Variants in PEX5 observed in about 807,000 individuals in gnomAD.
The protein encoded by PEX5 is peroxisomal biogenesis factor 5.
A neutral mutation model predicts 82.9 loss-of-function variants in PEX5; 52 were observed. The ratio of observed to expected loss-of-function variants is 0.63; its 90% CI spans 0.50 to 0.79. PEX5 has a LOEUF of 0.79. PEX5 is among the 30% of genes least tolerant of loss of function. The pLI, the probability that PEX5 is intolerant of heterozygous loss-of-function variation, is 0.00. For missense variants in PEX5, 719 were observed against 815.2 expected, an observed-to-expected ratio of 0.88 and a Z score of 1.44; for synonymous variants, 300 against 318.8, an observed-to-expected ratio of 0.94 and a Z score of 0.63.
intron 10 of PEX5, among the ~76,000 whole-genome samples, chr12:7,204,431 G>C (rs1437892023): frequency 6.6e-6 from 1 of 152,210 alleles, no homozygotes; most frequent in African/African-American, 2.4e-5. Flanking sequence ...TCAGAAAAAG[G>C]CTAGAGTTTG....
Position 7,209,848 on chromosome 12 carries a change from T to G in PEX5, c.1718+8T>G, listed in dbSNP as rs760110394. 2 of 1,613,858 alleles carry G rather than the reference T, an allele frequency of 1.2e-6. No homozygotes were observed. Among genetic ancestry groups the G allele is most frequent in the South Asian group, 2.2e-5 (2 of 91,070 alleles). Reference sequence around the variant, plus strand: ...CAACCTCGGGGCTCACCGGTGAGAGTATCTATTGAGAAATGAATGAATGAG... The same window carrying G: ...CAACCTCGGGGCTCACCGGTGAGAGGATCTATTGAGAAATGAATGAATGAG... On this transcript the variant is annotated splice_region_variant and intron_variant, in intron 15 of 15. Transcript: ENST00000675855.
rs1056732570 is a variant in PEX5 at position 7,210,817 on chromosome 12, T to G, written c.*594T>G. On this transcript the variant is annotated 3_prime_UTR_variant, in exon 16 of 16. Transcript: ENST00000675855. ...GAGCTCTGATTCCCTGTGAGCACGA[T>G]GCTGATGCAATAGTCCTGTGTCATC... 4.0e-5 allele frequency: 8 copies of G among 201,216 alleles called. No individual in the cohort carries two copies. Among genetic ancestry groups the G allele is most frequent in the Non-Finnish European group, 7.2e-5 (7 of 97,430 alleles). The allele number at this position is 201,216 out of a possible 1,614,324, so 12.5% of individuals were successfully genotyped here. A position where few individuals can be genotyped will look rare whatever the true frequency, so the allele number is the denominator to read the frequency against.
chr12:7,190,323 G>C (rs772555274), intron 1 of PEX5, 39 bp from the exon 2 acceptor site: 1 of 1,610,042 alleles, frequency 6.2e-7, no homozygotes, highest in Non-Finnish European at 8.5e-7. Context: ...GAAGGGTCTG[G>C]CTTGGGTACC....
At chr12:7,196,364 GAC>G (rs1942235449) in intron 5 of PEX5, among the ~76,000 whole-genome samples, 2 of 135,232 alleles carry the variant, frequency 1.5e-5, no homozygotes, top group South Asian at 2.4e-4. Flanking sequence ...AATTATATAT[GAC>G]ATATATAATG....
chr12:7,190,833 A>C (rs1484273265), intron 2 of PEX5, 55 bp from the exon 3 acceptor site: 1 of 1,558,474 alleles, frequency 6.4e-7, no homozygotes, highest in South Asian at 1.1e-5. Context: ...GGGCTTCATC[A>C]ACCCCTGATT....
At chr12:7,190,022 T>C (rs1210968836) in intron 1 of PEX5, 5 of 1,503,948 alleles carry the variant, frequency 3.3e-6, no homozygotes, top group Non-Finnish European at 4.4e-6. Flanking sequence ...CTTCGGGCAG[T>C]GTCGCCGTCC....
downstream of PEX5, among the ~76,000 whole-genome samples, chr12:7,213,540 T>G (rs1945687137): frequency 6.9e-6 from 1 of 145,836 alleles, no homozygotes; most frequent in Non-Finnish European, 1.5e-5. Context: ...AAGCTGAAAC[T>G]GGATCCCTTC....
In PEX5 at chr12:7,207,766, T is replaced by G. The variant is rs1295922840; in HGVS notation, c.1074T>G (p.Phe358Leu). ...EGDLPNAVLL[F>L]EAAVQQDPKH... ...ACCTGCCAAATGCTGTGCTGCTTTT[T>G]GAGGCAGCTGTGCAGCAGGATCCTA... is the stretch of plus-strand genomic sequence containing the variant. Residue 358 changes from phenylalanine to leucine, a missense_variant, in exon 11 of 16, where the codon TTT becomes TTG. Physicochemically the swap from Phe to Leu is conservative, Grantham distance 22. Coordinates refer to ENST00000675855, the MANE Select transcript of PEX5 (RefSeq NM_001351132.2). The G allele has an allele frequency of 1.2e-6, 2 of 1,614,030 alleles. No homozygotes were observed. Among genetic ancestry groups the G allele is most frequent in the East Asian group, 2.2e-5 (1 of 44,888 alleles).
intron 6 of PEX5, among the ~76,000 whole-genome samples, chr12:7,200,390 C>T (rs1476840505): frequency 6.6e-6 from 1 of 151,448 alleles, no homozygotes; most frequent in Non-Finnish European, 1.5e-5. Context: ...GGCAGAGACG[C>T]TCCTCACTTT....
Position 7,216,999 on chromosome 12 carries a change from G to A in PEX5, c.*20-1403G>A, listed in dbSNP as rs753792036. ...TTTTTTTCTTCACATCAATGTAGTA[G>A]TTACTTTTAACCATGACTTTATAAT... On this transcript the variant is annotated intron_variant, in intron 17 of 17. Coordinates refer to the PEX5 transcript ENST00000455147. Among the ~76,000 whole-genome samples, 8 of 152,158 alleles carry A rather than the reference G, an allele frequency of 5.3e-5. No homozygotes were observed. In the East Asian group the frequency reaches 7.7e-4, roughly 15 times the overall value.
In PEX5 at chr12:7,191,609, C is replaced by T. The variant is rs769307836; in HGVS notation, c.357C>T (p.Ala119=). ...VADLALSENW[A]QEFLAAGDAV... ...ACTTGGCCTTGTCTGAGAACTGGGC[C>T]CAGGAGTTTCTTGCAGCTGGAGATG... Residue 119 remains alanine (A), a synonymous_variant, in exon 5 of 16, where the codon GCC becomes GCT. Transcript: ENST00000675855. The T allele has an allele frequency of 6.2e-7, 1 of 1,613,852 alleles. No individual in the cohort carries two copies. The highest frequency in any genetic ancestry group is 2.2e-5 in the East Asian group (1 of 44,882).
Position 7,210,092 on chromosome 12 carries a change from G to C in PEX5, c.1789G>C (p.Gly597Arg). The change falls in exon 16 of 16, where the codon GGT (glycine) becomes CGT (arginine). Residue 597 changes from glycine (G) to arginine (R), a missense_variant. Physicochemically the swap from Gly to Arg is moderately radical, Grantham distance 125. Transcript: ENST00000675855. ...RKSRGPRGEG[G>R]AMSENIWSTL... ...AAGCCGGGGCCCCCGGGGTGAAGGAGGTGCCATGTCGGAGAACATCTGGAG... is the reference window on the plus strand; with the variant it reads ...AAGCCGGGGCCCCCGGGGTGAAGGACGTGCCATGTCGGAGAACATCTGGAG... The C allele has an allele frequency of 2.5e-6, 4 of 1,614,250 alleles. No homozygotes were observed. Among genetic ancestry groups the C allele is most frequent in the Non-Finnish European group, 3.4e-6 (4 of 1,180,050 alleles).
At position 7,196,926 on chromosome 12, in the gene PEX5, TTA is replaced by T. The variant is rs1201088313; in HGVS notation, c.449-2081_449-2080del. ...ATATATGTCACATATAATGTAATAA[TTA>T]TATGTCACATATAATGTAATAATTA... is the stretch of plus-strand genomic sequence containing the variant. On this transcript the variant is annotated intron_variant, in intron 5 of 15. Transcript: ENST00000675855. Among the ~76,000 whole-genome samples, 61 of 16,714 alleles carry T rather than the reference TTA, an allele frequency of 3.6e-3. 24 individuals are homozygous for T. The highest frequency in any genetic ancestry group is 9.5e-3 in the African/African-American group (59 of 6,188). 11.0% of individuals were successfully genotyped at this position (16,714 alleles called of 152,430 possible).
intron 6 of PEX5, among the ~76,000 whole-genome samples, chr12:7,201,078 C>T (rs1017285462): frequency 6.6e-5 from 10 of 151,576 alleles, no homozygotes; most frequent in African/African-American, 1.9e-4. Flanking sequence ...AAGTCTAGCC[C>T]GAGGAACACA....
At chr12:7,196,289 TTTAA>T (rs1337593096) in intron 5 of PEX5, among the ~76,000 whole-genome samples, 2 of 71,040 alleles carry the variant, frequency 2.8e-5, no homozygotes, top group East Asian at 2.7e-4. Flanking sequence ...TCATATATAA[TTTAA>T]TTATATGTCA....
rs114764432 is a variant in PEX5 at position 7,192,762 on chromosome 12, C to G, written c.448+1062C>G. ...ACCATTTTAATTTATGTTCTTTCTT[C>G]GTTTGCTACAGATTTCAAGGTCTCA... On this transcript the variant is annotated intron_variant, in intron 5 of 15. Coordinates refer to ENST00000675855, the MANE Select transcript of PEX5 (RefSeq NM_001351132.2). 4.9e-3 allele frequency among the ~76,000 whole-genome samples: 740 copies of G among 152,180 alleles called. 7 individuals carry two copies. The highest frequency in any genetic ancestry group is 0.015 in the African/African-American group (639 of 41,520).
Position 7,211,392 on chromosome 12 carries a change from T to C in PEX5, c.*1169T>C, listed in dbSNP as rs1186868505. On this transcript the variant is annotated 3_prime_UTR_variant, in exon 16 of 16. Coordinates refer to ENST00000675855, the MANE Select transcript of PEX5 (RefSeq NM_001351132.2). ...TGGTCCCAGGATTCCATCCTGAAAT[T>C]TATTTTTCTTTGTATGAATATGTGT... The C allele has an allele frequency of 1.3e-5, 2 of 152,220 alleles. No homozygotes were observed. Among genetic ancestry groups the C allele is most frequent in the East Asian group, 3.8e-4 (2 of 5,204 alleles). The allele number at this position is 152,220 out of a possible 1,614,324, so 9.4% of individuals were successfully genotyped here. A position where few individuals can be genotyped will look rare whatever the true frequency, so the allele number is the denominator to read the frequency against.
intron 5 of PEX5, among the ~76,000 whole-genome samples, chr12:7,196,027 T>TATATATC (rs1329321261): frequency 1.3e-5 from 1 of 77,178 alleles, no homozygotes; most frequent in East Asian, 2.6e-4. Context: ...CATTATACAT[T>TATATATC]ATATATTATA....
intron 13 of PEX5, 22 bp from the exon 14 acceptor site, chr12:7,208,983 T>TG (rs1206120357): frequency 6.2e-7 from 1 of 1,611,932 alleles, no homozygotes; most frequent in African/African-American, 1.3e-5. Context: ...ACCTACTTTG[T>TG]GTTTTTTTCC....
Sources: allele counts gnomAD v4.1 joint callset (sites outside exome capture counted in the v4.1 genomes callset), GRCh38; gene constraint gnomAD v4.1.1; transcripts MANE v1.5; gene names NCBI Gene and HGNC (gene_info 2026-07-23, HGNC 2026-07-21).